SCARA3: variants seen among roughly 807,000 people sequenced by gnomAD.
The protein encoded by SCARA3 is scavenger receptor class A member 3, also known as cellular stress response gene protein.
In SCARA3, 39 loss-of-function variants were observed where a neutral mutation model predicts 47.0. That is an observed-to-expected ratio of 0.83 (90% CI 0.64 to 1.08). SCARA3 has a LOEUF of 1.08. SCARA3 is among the 50% of genes least tolerant of loss of function. SCARA3 has a pLI of 0.00. For synonymous variants in SCARA3, 356 were observed against 334.1 expected, an observed-to-expected ratio of 1.07 and a Z score of -0.71; for missense variants, 724 against 792.3, an observed-to-expected ratio of 0.91 and a Z score of 1.04.
the SCARA3 span, among the ~76,000 whole-genome samples, chr8:27,693,580 T>A: frequency 6.6e-6 from 1 of 152,180 alleles, no homozygotes; most frequent in African/African-American, 2.4e-5. Context: ...AAAGGATCAC[T>A]CCTCTCAGCC....
chr8:27,706,511 G>C, the SCARA3 span, among the ~76,000 whole-genome samples: 1 of 152,096 alleles, frequency 6.6e-6, no homozygotes, highest in African/African-American at 2.4e-5. Flanking sequence ...TTCCAGTAGG[G>C]GAATGAGATG....
At chr8:27,641,047 G>A (rs1029692940) in intron 1 of SCARA3, among the ~76,000 whole-genome samples, 8 of 152,158 alleles carry the variant, frequency 5.3e-5, no homozygotes, top group Admixed American at 2.6e-4. Context: ...AAGACTCTAC[G>A]AGCATTTATG....
chr8:27,708,179 G>C, the SCARA3 span, among the ~76,000 whole-genome samples: 1 of 152,132 alleles, frequency 6.6e-6, no homozygotes, highest in Admixed American at 6.5e-5. Context: ...GAAGAATAGA[G>C]GGCTCTGAAA....
the SCARA3 span, among the ~76,000 whole-genome samples, chr8:27,691,284 G>A: frequency 6.6e-6 from 1 of 152,096 alleles, no homozygotes; most frequent in Non-Finnish European, 1.5e-5. Context: ...AGCTTTCTAA[G>A]GATCATGCGT....
At chr8:27,710,005 C>A in the SCARA3 span, among the ~76,000 whole-genome samples, 1 of 152,058 alleles carries the variant, frequency 6.6e-6, no homozygotes, top group Non-Finnish European at 1.5e-5. Flanking sequence ...CTAAGGGGGG[C>A]GGATCATGAG....
At chr8:27,722,172 T>C in the SCARA3 span, among the ~76,000 whole-genome samples, 1 of 152,216 alleles carries the variant, frequency 6.6e-6, no homozygotes, top group Admixed American at 6.5e-5. Flanking sequence ...ATTAATTAAA[T>C]ATGTATTCGA....
At chr8:27,665,306 A>T (rs973052605) in intron 5 of SCARA3, among the ~76,000 whole-genome samples, 1 of 152,312 alleles carries the variant, frequency 6.6e-6, no homozygotes, top group South Asian at 2.1e-4. Flanking sequence ...TTCCAGCTCT[A>T]ATTAATTCTA....
At chr8:27,716,906 G>A in the SCARA3 span, among the ~76,000 whole-genome samples, 6 of 152,104 alleles carry the variant, frequency 3.9e-5, no homozygotes, top group East Asian at 1.9e-4. Flanking sequence ...GTGAAACCTC[G>A]TAGGGCATGG....
At chr8:27,707,641 G>GA in the SCARA3 span, among the ~76,000 whole-genome samples, 15 of 151,688 alleles carry the variant, frequency 9.9e-5, no homozygotes, top group African/African-American at 3.6e-4. Context: ...AAGAGAGAGA[G>GA]AAAATGGAAA....
chr8:27,651,548 A>G lies in SCARA3; in HGVS notation c.147A>G (p.Leu49=). 6.2e-7 allele frequency: 1 copy of G among 1,613,912 alleles called. No individual in the cohort carries two copies. Among genetic ancestry groups the G allele is most frequent in the Non-Finnish European group, 8.5e-7 (1 of 1,179,994 alleles). ...GPRCSRCQKN[L]SLHTSVRILY... is the part of the protein sequence containing the mutation. Reference sequence around the variant, plus strand: ...GCTGCAGCCGCTGCCAGAAGAACCTATCTTTGCACACATCGGTGCGGATTC... The same window carrying G: ...GCTGCAGCCGCTGCCAGAAGAACCTGTCTTTGCACACATCGGTGCGGATTC... The change falls in exon 3 of 6, where the codon CTA becomes CTG. Residue 49 remains leucine, a synonymous_variant. Coordinates refer to ENST00000301904, the MANE Select transcript of SCARA3 (RefSeq NM_016240.3).
chr8:27,639,851 G>A (rs886882320), intron 1 of SCARA3, among the ~76,000 whole-genome samples: 7 of 152,192 alleles, frequency 4.6e-5, no homozygotes, highest in African/African-American at 1.2e-4. Flanking sequence ...ATGACCCACC[G>A]CGTTGACTGC....
chr8:27,646,169 T>A (rs1330914352), intron 1 of SCARA3, among the ~76,000 whole-genome samples: 1 of 151,872 alleles, frequency 6.6e-6, no homozygotes, highest in Non-Finnish European at 1.5e-5. Flanking sequence ...GGGCTGTGAG[T>A]TATGGAGCTG....
intron 1 of SCARA3, among the ~76,000 whole-genome samples, chr8:27,635,701 C>T (rs1219826517): frequency 6.6e-6 from 1 of 152,054 alleles, no homozygotes; most frequent in Non-Finnish European, 1.5e-5. Context: ...AACGATCCTC[C>T]CACCTCAGCC....
At chr8:27,733,130 G>A in the SCARA3 span, among the ~76,000 whole-genome samples, 1 of 152,120 alleles carries the variant, frequency 6.6e-6, no homozygotes, top group Non-Finnish European at 1.5e-5. Context: ...GAATTCTTGG[G>A]CGACCTTCCC....
chr8:27,657,762 G>A (rs1399473064), intron 4 of SCARA3, among the ~76,000 whole-genome samples: 5 of 151,622 alleles, frequency 3.3e-5, no homozygotes, highest in African/African-American at 4.8e-5. Flanking sequence ...GGATGGTCTC[G>A]ATCTCCTGAC....
chr8:27,677,675 A>T (rs1448851462), downstream of SCARA3, among the ~76,000 whole-genome samples: 3 of 152,220 alleles, frequency 2.0e-5, no homozygotes, highest in Non-Finnish European at 2.9e-5. Context: ...GATATAGAAG[A>T]CTTGAACATT....
the SCARA3 span, among the ~76,000 whole-genome samples, chr8:27,716,187 C>G: frequency 6.6e-6 from 1 of 152,050 alleles, no homozygotes; most frequent in Non-Finnish European, 1.5e-5. Flanking sequence ...GTGGTGCATG[C>G]CAGTAGTCCC....
At chr8:27,723,840 A>G in the SCARA3 span, among the ~76,000 whole-genome samples, 100 of 152,330 alleles carry the variant, frequency 6.6e-4, 1 homozygote, top group Non-Finnish European at 1.3e-3. Context: ...GGTTCAAACG[A>G]GTCTCCGACC....
rs1802193952 is a variant in SCARA3, at chr8:27,672,601, A to G, written c.*1250A>G. The G allele has an allele frequency of 1.0e-6, 1 of 985,422 alleles. No homozygotes were observed. The highest frequency in any genetic ancestry group is 4.7e-5 in the South Asian group (1 of 21,280). The allele number at this position is 985,422 out of a possible 1,614,324, so 61.0% of individuals were successfully genotyped here. A position where few individuals can be genotyped will look rare whatever the true frequency, so the allele number is the denominator to read the frequency against. The stretch of plus-strand genomic sequence containing the variant: ...TGGCCCGAGCCCTCTTTGCATGGGC[A>G]GCCAGCTGGACTAGGAGTGGGAAGG... On this transcript the variant is annotated 3_prime_UTR_variant, in exon 6 of 6. Coordinates refer to ENST00000301904, the MANE Select transcript of SCARA3 (RefSeq NM_016240.3).
Sources: gnomAD v4.1 joint callset for allele counts (sites outside exome capture counted in the v4.1 genomes callset) on GRCh38, gnomAD v4.1.1 for gene constraint, MANE v1.5 for transcripts, NCBI Gene and HGNC (gene_info 2026-07-23, HGNC 2026-07-21) for gene names.